Variants in ANKRD44 observed in about 807,000 individuals in gnomAD.
The protein encoded by ANKRD44 is ankyrin repeat domain 44.
Under a neutral mutation model 116.0 loss-of-function variants are expected in ANKRD44, and 35 were observed. The ratio of observed to expected loss-of-function variants is 0.30; its 90% CI spans 0.23 to 0.40. The LOEUF (loss-of-function observed/expected upper bound fraction) is 0.40. Among genes scored for constraint, ANKRD44 ranks in the 10% least tolerant of loss-of-function variants. The pLI is 1.00. For synonymous variants in ANKRD44, 435 were observed against 461.8 expected (o/e 0.94, Z 0.74); for missense variants, 1,014 against 1,242.6 (o/e 0.82, Z 2.77).
intron 16 of ANKRD44, among the ~76,000 whole-genome samples, chr2:197,048,108 T>C (rs1204320327): frequency 6.6e-6 from 1 of 152,186 alleles, no homozygotes; most frequent in African/African-American, 2.4e-5. Context: ...TGAATAAATA[T>C]TTTATGTGAA....
chr2:197,025,866 C>A (rs2076581896), intron 16 of ANKRD44, among the ~76,000 whole-genome samples: 1 of 152,040 alleles, frequency 6.6e-6, no homozygotes, highest in East Asian at 1.9e-4. Flanking sequence ...CAATGATATG[C>A]ATCAAGAGAG....
intron 16 of ANKRD44, among the ~76,000 whole-genome samples, chr2:197,068,438 G>A (rs1357633654): frequency 1.4e-5 from 2 of 144,652 alleles, no homozygotes; most frequent in Non-Finnish European, 3.1e-5. Flanking sequence ...AAAAGCAATG[G>A]CAACAAAAGC....
intron 2 of ANKRD44, among the ~76,000 whole-genome samples, chr2:197,164,912 G>T (rs919730429): frequency 6.6e-6 from 1 of 152,038 alleles, no homozygotes; most frequent in African/African-American, 2.4e-5. Flanking sequence ...GGAAGAACTG[G>T]GTTCAAACCC....
chr2:197,030,050 C>T (rs1176383332), intron 16 of ANKRD44: 1 of 158,610 alleles, frequency 6.3e-6, no homozygotes, highest in Admixed American at 6.5e-5. Flanking sequence ...TGAGTCCCAT[C>T]ACCTCAGACT....
intron 16 of ANKRD44, among the ~76,000 whole-genome samples, chr2:197,068,414 A>AAT (rs1428417507): frequency 2.7e-5 from 4 of 147,968 alleles, no homozygotes; most frequent in Non-Finnish European, 3.0e-5. Flanking sequence ...TAAAATAAAA[A>AAT]AAAATAAAAC....
At chr2:197,107,329 G>A (rs2078455902) in intron 9 of ANKRD44, among the ~76,000 whole-genome samples, 1 of 152,146 alleles carries the variant, frequency 6.6e-6, no homozygotes. Flanking sequence ...TTGAACTTGT[G>A]TAACCTGCTG....
At chr2:197,000,933 G>A (rs2125898640) in intron 22 of ANKRD44, among the ~76,000 whole-genome samples, 1 of 152,350 alleles carries the variant, frequency 6.6e-6, no homozygotes, top group South Asian at 2.1e-4. Context: ...AGCTGCTTGG[G>A]AAGCTGAGGC....
At chr2:197,175,524 A>G (rs2080344381) in intron 2 of ANKRD44, among the ~76,000 whole-genome samples, 1 of 152,184 alleles carries the variant, frequency 6.6e-6, no homozygotes, top group African/African-American at 2.4e-5. Flanking sequence ...GGTACCACTG[A>G]GCTGAAGAGC....
At chr2:197,133,525 T>G (rs1668067351) in intron 4 of ANKRD44, among the ~76,000 whole-genome samples, 1 of 152,212 alleles carries the variant, frequency 6.6e-6, no homozygotes, top group South Asian at 2.1e-4. Context: ...ATCTACATTT[T>G]ATAAGCAAAT....
Position 197,186,315 on chromosome 2 carries a change from A to G in ANKRD44, c.111+708T>C, listed in dbSNP as rs111401651. 4.0e-3 allele frequency among the ~76,000 whole-genome samples: 611 copies of G among 152,290 alleles called. 4 individuals carry two copies. Among genetic ancestry groups the G allele is most frequent in the African/African-American group, 0.014 (581 of 41,552 alleles). On this transcript the variant is annotated intron_variant, in intron 2 of 27. Coordinates refer to ENST00000282272, the MANE Select transcript of ANKRD44 (RefSeq NM_001195144.2). Reference sequence around the variant, plus strand: ...ATGTAGGCCATAAACCACAGTAGCAACATCAGTAACTGTAATGCTGTCACC... The same window carrying G: ...ATGTAGGCCATAAACCACAGTAGCAGCATCAGTAACTGTAATGCTGTCACC...
At chr2:196,979,105 C>T (rs2075780276) in intron 21 of ANKRD44, among the ~76,000 whole-genome samples, 1 of 151,954 alleles carries the variant, frequency 6.6e-6, no homozygotes, top group South Asian at 2.1e-4. Context: ...GAATGAATAG[C>T]ATCTGCAGGC....
At chr2:196,991,041 A>C (rs1446980328) in intron 27 of ANKRD44, 1 of 975,974 alleles carries the variant, frequency 1.0e-6, no homozygotes, top group Non-Finnish European at 1.3e-6. Context: ...GTTGAGTTAG[A>C]AATCATGCCA....
In ANKRD44 at chr2:196,989,621, T is replaced by C; in HGVS notation, c.2952A>G (p.Thr984=). 2.6e-6 allele frequency: 4 copies of C among 1,550,310 alleles called. No individual in the cohort carries two copies. The highest frequency in any genetic ancestry group is 3.5e-6 in the Non-Finnish European group (4 of 1,146,826). Residue 984 remains threonine (T), a synonymous_variant, in exon 28 of 28, where the codon ACA becomes ACG. Transcript: ENST00000282272. ...CTTCTTTTTGTACAGCGGTTCCAGG[T>C]GTGGAACGGGGTCCATTTGACCTAG... The part of the protein sequence containing the change: ...NASRSNGPRS[T]PGTAVQKEE
intron 16 of ANKRD44, among the ~76,000 whole-genome samples, chr2:197,043,684 G>A (rs995430212): frequency 6.6e-6 from 1 of 152,112 alleles, no homozygotes; most frequent in Non-Finnish European, 1.5e-5. Flanking sequence ...AACAGGTAGT[G>A]ATGCTATTAG....
At chr2:197,135,444 C>T (rs1458467675) in intron 4 of ANKRD44, 1 of 152,298 alleles carries the variant, frequency 6.6e-6, no homozygotes, top group African/African-American at 2.4e-5. Flanking sequence ...TCCCTGCCAC[C>T]CCTGCCTTCA....
In ANKRD44 at chr2:197,203,607, A is replaced by G. The variant is rs1306797525; in HGVS notation, c.28-16501T>C. 6.6e-5 allele frequency among the ~76,000 whole-genome samples: 10 copies of G among 151,470 alleles called. No individual in the cohort carries two copies. Among genetic ancestry groups the G allele is most frequent in the Admixed American group, 4.6e-4 (7 of 15,262 alleles). On this transcript the variant is annotated intron_variant, in intron 1 of 27. Coordinates refer to ENST00000282272, the MANE Select transcript of ANKRD44 (RefSeq NM_001195144.2). This position sits in a 1 kb window ranked among gnomAD's most constrained non-coding sequence, Gnocchi z 4.1. ...ATTCAGAAATTCCACTGCTATGTGT[A>G]TATCCCAAAGAACTGAAAATAGGTG...
intron 10 of ANKRD44, among the ~76,000 whole-genome samples, chr2:197,093,383 T>G (rs1301198572): frequency 6.6e-6 from 1 of 152,222 alleles, no homozygotes; most frequent in Non-Finnish European, 1.5e-5. Flanking sequence ...CATCTTTGTA[T>G]AATTCATCAA....
rs532233572 is a variant in ANKRD44, at chr2:197,248,319, C to T, written c.28-61213G>A. On this transcript the variant is annotated intron_variant, in intron 1 of 27. Coordinates refer to ENST00000282272, the MANE Select transcript of ANKRD44 (RefSeq NM_001195144.2). Reference sequence around the variant, plus strand: ...AAAAGACTGGCCATCCCAAGCAAGACGGACTTCTCCAGCAGACTGCCTTGG... The same window carrying T: ...AAAAGACTGGCCATCCCAAGCAAGATGGACTTCTCCAGCAGACTGCCTTGG... Among the ~76,000 whole-genome samples the T allele has an allele frequency of 8.5e-5, 13 of 152,072 alleles. 1 individual carries two copies. The South Asian group carries it at 2.3e-3, about 27-fold the overall frequency.
chr2:197,075,930 G>T (rs1436605834), intron 16 of ANKRD44, among the ~76,000 whole-genome samples: 1 of 152,128 alleles, frequency 6.6e-6, no homozygotes, highest in Non-Finnish European at 1.5e-5. Context: ...GTAGACAGGA[G>T]GAGGCGCCAA....
Sources: allele counts gnomAD v4.1 joint callset (sites outside exome capture counted in the v4.1 genomes callset), GRCh38; gene constraint gnomAD v4.1.1; non-coding constraint Gnocchi (gnomAD v3.1); transcripts MANE v1.5; gene names NCBI Gene and HGNC (gene_info 2026-07-23, HGNC 2026-07-21).